LAMC2: variants seen among roughly 807,000 people sequenced by gnomAD.
The protein encoded by LAMC2 is laminin subunit gamma 2.
LAMC2 carries 97 observed loss-of-function variants against 140.2 expected under a neutral mutation model. The ratio of observed to expected loss-of-function variants is 0.69; its 90% CI spans 0.59 to 0.82. The LOEUF is 0.82. Among genes scored for constraint, LAMC2 ranks in the 40% least tolerant of loss-of-function variants. LAMC2 has a pLI of 0.00. For synonymous variants in LAMC2, 513 were observed against 540.2 expected, an observed-to-expected ratio of 0.95 and a Z score of 0.70; for missense variants, 1,402 against 1,476.1, an observed-to-expected ratio of 0.95 and a Z score of 0.82.
rs62640907 is a variant in LAMC2, at chr1:183,231,030, C to A, written c.1784C>A (p.Pro595Gln). ...AGTGATGGCACCTGTGTTTGCAAGC[C>A]AGGATTTGGTGGCCCCAACTGTGAG... is the stretch of plus-strand genomic sequence containing the variant. ...CRSDGTCVCK[P>Q]GFGGPNCEHG... Residue 595 changes from proline (P) to glutamine (Q), a missense_variant, in exon 12 of 23, where the codon CCA becomes CAA. Physicochemically the swap from Pro to Gln is moderately conservative, Grantham distance 76. Transcript: ENST00000264144. 97 of 1,614,148 alleles carry A rather than the reference C, an allele frequency of 6.0e-5. No homozygotes were observed. The African/African-American group carries it at 1.1e-3, about 19-fold the overall frequency.
chr1:183,239,652 C>A (rs1660070777), intron 20 of LAMC2, 89 bp downstream of exon 20: 1 of 1,178,244 alleles, frequency 8.5e-7, no homozygotes, highest in Non-Finnish European at 1.2e-6. Context: ...CTTATTTTAA[C>A]CTCTGAGGCT....
rs939637922 is a variant in LAMC2 at position 183,239,163 on chromosome 1, G to A, written c.2870-201G>A. On this transcript the variant is annotated intron_variant, in intron 19 of 22. Coordinates refer to ENST00000264144, the MANE Select transcript of LAMC2 (RefSeq NM_005562.3). ...TGGAACTCAGGGCAGGCTGATTGTCGGTTTCTCTAAGCAACGGAGTAATTA... is the reference window on the plus strand; with the variant it reads ...TGGAACTCAGGGCAGGCTGATTGTCAGTTTCTCTAAGCAACGGAGTAATTA... 9.2e-5 allele frequency among the ~76,000 whole-genome samples: 14 copies of A among 152,198 alleles called. No homozygotes were observed. In the East Asian group the frequency reaches 1.2e-3, roughly 13 times the overall value.
Position 183,235,690 on chromosome 1 carries a change from G to GGTAGCC in LAMC2, c.2417_2422dup (p.Ser807_Pro808insArgSer), listed in dbSNP as rs1558097275. ...GCATGAAGGAGTCGGAAGCGGAAGC[G>GGTAGCC]GTAGCCCGGACGGTGCTGTGGTGCA... On this transcript the variant is annotated inframe_insertion, in exon 16 of 23. Coordinates refer to ENST00000264144, the MANE Select transcript of LAMC2 (RefSeq NM_005562.3). 5 of 1,614,228 alleles carry GGTAGCC rather than the reference G, an allele frequency of 3.1e-6. No individual in the cohort carries two copies. The South Asian group carries it at 5.5e-5, about 18-fold the overall frequency.
At chr1:183,249,099 T>C (rs1571548148), downstream of LAMC2, 2 of 152,268 alleles carry the variant, frequency 1.3e-5, no homozygotes, top group South Asian at 4.1e-4. Flanking sequence ...CTAGAGAACA[T>C]TGTTGAAAGG....
chr1:183,232,628 C>G (rs767321637), intron 13 of LAMC2, 24 bp from the exon 14 acceptor site: 1 of 1,594,876 alleles, frequency 6.3e-7, no homozygotes, highest in African/African-American at 1.3e-5. Context: ...AGTGCTCATG[C>G]TCCCTTTCCT....
intron 2 of LAMC2, among the ~76,000 whole-genome samples, chr1:183,214,104 G>A (rs1659167052): frequency 6.6e-6 from 1 of 151,774 alleles, no homozygotes; most frequent in African/African-American, 2.4e-5. Context: ...TAAGGTAGCT[G>A]AGGTGTACCT....
intron 1 of LAMC2, among the ~76,000 whole-genome samples, chr1:183,188,467 G>A (rs1658224112): frequency 6.6e-6 from 1 of 152,154 alleles, no homozygotes; most frequent in Non-Finnish European, 1.5e-5. Flanking sequence ...TTCAGGGTTG[G>A]GCTCAGCTAA....
intron 4 of LAMC2, 28 bp from the exon 5 acceptor site, chr1:183,220,797 T>C: frequency 6.2e-7 from 1 of 1,609,080 alleles, no homozygotes. Flanking sequence ...TAACCTATAA[T>C]ATCCTGATTT....
rs752582474 is a variant in LAMC2, at chr1:183,218,432, C to T, written c.447C>T (p.Pro149=). The part of the protein sequence containing the change: ...CDCDPAGIAG[P]CDAGRCVCKP... ...GTGACCCAGCTGGCATCGCAGGGCC[C>T]TGTGACGCGGGCCGCTGTGTCTGCA... is the stretch of plus-strand genomic sequence containing the variant. The change falls in exon 4 of 23, where the codon CCC becomes CCT. Residue 149 remains proline (P), a synonymous_variant. Coordinates refer to ENST00000264144, the MANE Select transcript of LAMC2 (RefSeq NM_005562.3). 3.1e-6 allele frequency: 5 copies of T among 1,614,072 alleles called. No individual in the cohort carries two copies. The African/African-American group carries it at 6.7e-5, about 22-fold the overall frequency.
At chr1:183,192,698 A>G (rs78470665) in intron 1 of LAMC2, among the ~76,000 whole-genome samples, 13,446 of 152,050 alleles carry the variant, frequency 0.088, 1,699 homozygotes, top group African/African-American at 0.29. Flanking sequence ...ACTCCTTGGC[A>G]TATTTCTCAT....
chr1:183,232,949 G>T, intron 14 of LAMC2, 92 bp downstream of exon 14: 1 of 1,206,712 alleles, frequency 8.3e-7, no homozygotes, highest in Non-Finnish European at 1.2e-6. Flanking sequence ...TCTCTCAGTG[G>T]CTCACTTTCT....
Position 183,208,085 on chromosome 1 carries a change from G to C in LAMC2, c.268+16G>C. 6.2e-7 allele frequency: 1 copy of C among 1,607,460 alleles called. No homozygotes were observed. ...AACTCCAAAGGTAGCTGAAAAGGAC[G>C]GAAAGAGGGAGAGGGAGATGGAGCA... is the stretch of plus-strand genomic sequence containing the variant. On this transcript the variant is annotated intron_variant, in intron 2 of 22. Coordinates refer to ENST00000264144, the MANE Select transcript of LAMC2 (RefSeq NM_005562.3).
In LAMC2 at chr1:183,240,333, C is replaced by A. The variant is rs574584189; in HGVS notation, c.3270C>A (p.Asn1090Lys). The change falls in exon 22 of 23, where the codon AAC (asparagine) becomes AAA (lysine). Residue 1090 changes from asparagine to lysine, a missense_variant. Transcript: ENST00000264144. ...AGAAGGTTGATACCAGAGCCAAGAA[C>A]GCTGGGGTTACAATCCAAGACACAC... ...EAQKVDTRAK[N>K]AGVTIQDTLN... 2 of 1,614,066 alleles carry A rather than the reference C, an allele frequency of 1.2e-6. No homozygotes were observed. Among genetic ancestry groups the A allele is most frequent in the African/African-American group, 2.7e-5 (2 of 74,922 alleles).
chr1:183,239,649 T>A, intron 20 of LAMC2, 86 bp downstream of exon 20: 1 of 1,222,928 alleles, frequency 8.2e-7, no homozygotes, highest in Non-Finnish European at 1.2e-6. Flanking sequence ...GAGCTTATTT[T>A]AACCTCTGAG....
chr1:183,225,685 C>T lies in LAMC2; in HGVS notation c.1031C>T (p.Thr344Ile), dbSNP rs753710494. ...FEYRRLLRNL[T>I]ALRIRATYGE... is the part of the protein sequence containing the mutation. ...TATCGAAGGTTACTGCGGAATCTCA[C>T]AGCCCTCCGCATCCGAGCTACATAT... The change falls in exon 8 of 23, where the codon ACA (threonine) becomes ATA (isoleucine). Residue 344 changes from threonine to isoleucine, a missense_variant. Thr to Ile is a moderately conservative substitution (Grantham distance 89, BLOSUM62 -1). Transcript: ENST00000264144. 2 of 1,613,316 alleles carry T rather than the reference C, an allele frequency of 1.2e-6. No individual in the cohort carries two copies. Among genetic ancestry groups the T allele is most frequent in the Admixed American group, 3.3e-5 (2 of 60,028 alleles).
At chr1:183,252,686 G>A in the LAMC2 span, 8 of 1,614,002 alleles carry the variant, frequency 5.0e-6, no homozygotes, top group African/African-American at 8.0e-5. Flanking sequence ...GGATGTAGTC[G>A]ATGACCGGCT....
rs764004232 is a variant in LAMC2, at chr1:183,238,328, C to T, written c.2776C>T (p.Arg926Cys). 1.4e-5 allele frequency: 22 copies of T among 1,613,740 alleles called. No homozygotes were observed. Among genetic ancestry groups the T allele is most frequent in the South Asian group, 6.6e-5 (6 of 91,074 alleles). ...ACAGAAATCAGATCAGCTGCTTTCC[C>T]GTGCCAATCTTGCTAAAAGCAGAGC... ...GREKSDQLLS[R>C]ANLAKSRAQE... The change falls in exon 19 of 23, where the codon CGT becomes TGT. Residue 926 changes from arginine to cysteine, a missense_variant. Transcript: ENST00000264144.
At chr1:183,190,279 C>T (rs1467484060) in intron 1 of LAMC2, among the ~76,000 whole-genome samples, 1 of 152,126 alleles carries the variant, frequency 6.6e-6, no homozygotes, top group Non-Finnish European at 1.5e-5. Context: ...ACTAACTGCC[C>T]TGCCAGTACT....
Position 183,240,578 on chromosome 1 carries a change from C to T in LAMC2, c.3328+187C>T, listed in dbSNP as rs1317097875. ...CTTACATTTACTGGACCCTGTTTTA[C>T]CGTTGCTAAGATGGGTCACTGAACA... On this transcript the variant is annotated intron_variant, in intron 22 of 22. Transcript: ENST00000264144. The T allele has an allele frequency of 4.2e-6, 6 of 1,439,428 alleles. No individual in the cohort carries two copies. The Admixed American group carries it at 1.1e-4, about 27-fold the overall frequency. The allele number at this position is 1,439,428 out of a possible 1,614,324, so 89.2% of individuals were successfully genotyped here.
Sources: allele counts gnomAD v4.1 joint callset (sites outside exome capture counted in the v4.1 genomes callset), GRCh38; gene constraint gnomAD v4.1.1; transcripts MANE v1.5; gene names NCBI Gene and HGNC (gene_info 2026-07-23, HGNC 2026-07-21).